The following BACH2 variants were observed in gnomAD, a reference collection of about 807,000 sequenced individuals.
BACH2 encodes BACH transcriptional regulator 2, also known as transcription regulator protein BACH2.
In BACH2, 5 loss-of-function variants were observed where a neutral mutation model predicts 61.8. The observed-to-expected ratio is 0.08, with a 90% CI of 0.04 to 0.17. The LOEUF is 0.17. Among genes scored for constraint, BACH2 ranks in the 10% least tolerant of loss-of-function variants. The probability of loss-of-function intolerance (pLI) is 1.00; values close to 1 mark genes in which losing one functional copy is unlikely to be tolerated. For missense variants in BACH2, 824 were observed against 1,091.1 expected (o/e 0.76, Z 3.45); for synonymous variants, 446 against 440.1 (o/e 1.01, Z -0.17).
intron 4 of BACH2, among the ~76,000 whole-genome samples, chr6:90,151,169 T>C (rs556399179): frequency 1.3e-5 from 2 of 152,350 alleles, no homozygotes; most frequent in African/African-American, 4.8e-5. Context: ...ACCCACACCA[T>C]GGCTACAGAA....
intron 7 of BACH2, among the ~76,000 whole-genome samples, chr6:89,948,134 T>A (rs531330959): frequency 6.6e-6 from 1 of 152,334 alleles, no homozygotes; most frequent in East Asian, 1.9e-4. Flanking sequence ...AAAGAAGATG[T>A]ATCTGAAACT....
intron 4 of BACH2, among the ~76,000 whole-genome samples, chr6:90,147,516 C>A (rs1370935119): frequency 6.6e-6 from 1 of 152,112 alleles, no homozygotes; most frequent in African/African-American, 2.4e-5. Flanking sequence ...ACGAGGGTAC[C>A]CTACAACAGT....
At chr6:90,243,677 G>C (rs1312844307) in intron 3 of BACH2, among the ~76,000 whole-genome samples, 1 of 151,970 alleles carries the variant, frequency 6.6e-6, no homozygotes, top group African/African-American at 2.4e-5. Flanking sequence ...TGACACCACT[G>C]GCCAAAAATT....
chr6:90,057,474 A>C (rs1398138481), intron 5 of BACH2, among the ~76,000 whole-genome samples: 1 of 152,204 alleles, frequency 6.6e-6, no homozygotes, highest in Non-Finnish European at 1.5e-5. Flanking sequence ...AATTGAGGCA[A>C]TAATCAATAG....
intron 3 of BACH2, chr6:90,218,217 A>T (rs1435531788): frequency 1.3e-5 from 2 of 152,198 alleles, no homozygotes; most frequent in Admixed American, 6.5e-5. Context: ...CTGGAACCCA[A>T]CGCTGTCAAC....
intron 4 of BACH2, among the ~76,000 whole-genome samples, chr6:90,192,687 A>C (rs565154911): frequency 2.4e-4 from 37 of 152,334 alleles, no homozygotes; most frequent in Non-Finnish European, 4.0e-4. Context: ...CTAAGAGTTA[A>C]ACTTCATTCA....
chr6:90,116,903 CT>C, intron 4 of BACH2: 1 of 558,928 alleles, frequency 1.8e-6, no homozygotes, highest in Non-Finnish European at 2.9e-6. Context: ...TTTTTTCTGT[CT>C]TTTCTCTGAC....
intron 1 of BACH2, among the ~76,000 whole-genome samples, chr6:90,291,550 C>CAAAAAAAAAAGA: frequency 1.3e-5 from 1 of 78,584 alleles, no homozygotes; most frequent in East Asian, 2.7e-4. Context: ...CCTGAACTGA[C>CAAAAAAAAAAGA]AAAAAAAAAG....
chr6:90,084,106 A>G (rs1781830539), intron 5 of BACH2, among the ~76,000 whole-genome samples: 1 of 147,432 alleles, frequency 6.8e-6, no homozygotes, highest in South Asian at 2.3e-4. Context: ...TGTGGGAGGG[A>G]AGGGGAGGGG....
At chr6:90,112,767 T>C (rs557799844) in intron 4 of BACH2, among the ~76,000 whole-genome samples, 1 of 152,308 alleles carries the variant, frequency 6.6e-6, no homozygotes, top group Admixed American at 6.5e-5. Context: ...TAACCTTGAA[T>C]GTAAACGAGC....
chr6:90,183,383 G>C (rs1768233384), intron 4 of BACH2, among the ~76,000 whole-genome samples: 2 of 152,222 alleles, frequency 1.3e-5, no homozygotes, highest in South Asian at 4.1e-4. Context: ...CAGTAAAACT[G>C]TTGACTGGCT....
At chr6:90,228,249 AC>A (rs1200662782) in intron 3 of BACH2, among the ~76,000 whole-genome samples, 4 of 152,162 alleles carry the variant, frequency 2.6e-5, no homozygotes, top group African/African-American at 9.7e-5. Context: ...CCAACTTTCC[AC>A]CATATCACTA....
chr6:89,970,058 A>C (rs1211027433), intron 6 of BACH2, among the ~76,000 whole-genome samples: 5 of 152,252 alleles, frequency 3.3e-5, no homozygotes, highest in Admixed American at 3.3e-4. Flanking sequence ...GGCATTTCAG[A>C]AAGTCAAATG....
chr6:90,189,643 T>C (rs1029218432), intron 4 of BACH2, among the ~76,000 whole-genome samples: 1 of 126,270 alleles, frequency 7.9e-6, no homozygotes, highest in South Asian at 2.6e-4. Context: ...AAAAAAAGAG[T>C]GGGCTTCCTT....
intron 5 of BACH2, among the ~76,000 whole-genome samples, chr6:90,050,276 T>C (rs561394159): frequency 6.6e-6 from 1 of 152,260 alleles, no homozygotes; most frequent in Non-Finnish European, 1.5e-5. Context: ...CAAGGCAGAG[T>C]AATGAATTTT....
intron 2 of BACH2, among the ~76,000 whole-genome samples, chr6:90,255,925 G>C (rs939640109): frequency 2.6e-5 from 4 of 152,192 alleles, no homozygotes; most frequent in South Asian, 2.1e-4. Context: ...CATATGTTGT[G>C]ACTATGCCCT....
chr6:90,288,223 C>T (rs1253797964), intron 1 of BACH2, among the ~76,000 whole-genome samples: 1 of 151,980 alleles, frequency 6.6e-6, no homozygotes, highest in Non-Finnish European at 1.5e-5. Flanking sequence ...AGATATTCTA[C>T]AAATCAATGC....
chr6:90,155,679 T>C (rs554255489), intron 4 of BACH2, among the ~76,000 whole-genome samples: 2 of 152,332 alleles, frequency 1.3e-5, no homozygotes, highest in African/African-American at 4.8e-5. Flanking sequence ...TATCCCCAAA[T>C]TGGCCCTCCT....
intron 5 of BACH2, among the ~76,000 whole-genome samples, chr6:90,069,909 G>T (rs1397117899): frequency 6.6e-6 from 1 of 152,120 alleles, no homozygotes; most frequent in African/African-American, 2.4e-5. Context: ...GGTCAGGTCT[G>T]GGGGCAGGTA....
Sources: gnomAD v4.1 joint callset for allele counts (sites outside exome capture counted in the v4.1 genomes callset) on GRCh38, gnomAD v4.1.1 for gene constraint, MANE v1.5 for transcripts, NCBI Gene and HGNC (gene_info 2026-07-23, HGNC 2026-07-21) for gene names.